Variants in TASOR2 observed in about 807,000 individuals in gnomAD.
TASOR2 encodes the protein transcription activation suppressor family member 2.
In TASOR2, 84 loss-of-function variants were observed where a neutral mutation model predicts 199.5. The ratio of observed to expected loss-of-function variants is 0.42; its 90% CI spans 0.35 to 0.50. The LOEUF is 0.50. TASOR2 is among the 20% of genes least tolerant of loss of function. The pLI, the probability that TASOR2 is intolerant of heterozygous loss-of-function variation, is 0.02. For synonymous variants in TASOR2, 1,103 were observed against 1,046.6 expected (o/e 1.05, Z -1.04); for missense variants, 2,796 against 2,835.9 (o/e 0.99, Z 0.32).
At position 5,694,966 on chromosome 10, in the gene TASOR2, G is replaced by A. The variant is rs145018489; in HGVS notation, c.-288+9791G>A. Among the ~76,000 whole-genome samples, 344 of 152,150 alleles carry A rather than the reference G, an allele frequency of 2.3e-3. 3 individuals carry two copies. Among genetic ancestry groups the A allele is most frequent in the African/African-American group, 7.9e-3 (327 of 41,508 alleles). ...TTTAATGTCCTGATGGATTTACTTT[G>A]CCAATGCATATATTTAGGATTTTTA... On this transcript the variant is annotated intron_variant, in intron 1 of 20. Transcript: ENST00000328090.
chr10:5,749,223 C>G (rs1340820254), exon 15 of TASOR2: 2 of 1,614,004 alleles, frequency 1.2e-6, no homozygotes, highest in African/African-American at 2.7e-5. Flanking sequence ...CAAAAGAACT[C>G]AAAGATACCA....
At chr10:5,749,021 A>C (rs1837610544) in exon 15 of TASOR2, 1 of 1,614,040 alleles carries the variant, frequency 6.2e-7, no homozygotes, top group Admixed American at 1.7e-5. Context: ...GATGGCTATG[A>C]GTCGTCGTTG....
intron 2 of TASOR2, among the ~76,000 whole-genome samples, chr10:5,715,059 T>G (rs773713058): frequency 9.9e-5 from 15 of 152,092 alleles, no homozygotes; most frequent in Non-Finnish European, 1.5e-5. Context: ...CGAGGAATTG[T>G]CAAGAGCAGT....
At chr10:5,746,299 C>G (rs749160324) in exon 15 of TASOR2, 2 of 1,614,188 alleles carry the variant, frequency 1.2e-6, no homozygotes. Flanking sequence ...TGTTCAGCCA[C>G]TGGATAGCAC....
intron 10 of TASOR2, among the ~76,000 whole-genome samples, chr10:5,727,650 C>T (rs189336834): frequency 5.3e-5 from 8 of 152,172 alleles, no homozygotes; most frequent in African/African-American, 1.7e-4. Flanking sequence ...AAAAATGACT[C>T]TAAGAGGGCT....
chr10:5,763,652 A>C (rs1323258776), exon 21 of TASOR2: 2 of 151,872 alleles, frequency 1.3e-5, no homozygotes, highest in Non-Finnish European at 2.9e-5. Flanking sequence ...CCAAGCAAAA[A>C]ACATTTGTAA....
chr10:5,735,152 C>G (rs1172785812), intron 11 of TASOR2, 152 bp from the exon 13 acceptor site: 7 of 914,250 alleles, frequency 7.7e-6, no homozygotes, highest in Non-Finnish European at 1.1e-5. Context: ...TTGTTAAAAT[C>G]TTTTAATTAA....
intron 1 of TASOR2, among the ~76,000 whole-genome samples, chr10:5,703,544 C>T (rs1332885860): frequency 3.1e-5 from 4 of 127,442 alleles, no homozygotes; most frequent in Non-Finnish European, 6.3e-5. Context: ...CACTCTGTCA[C>T]CCAGGCTGGA....
exon 11 of TASOR2, chr10:5,731,153 C>T (rs914632684): frequency 1.9e-6 from 3 of 1,610,086 alleles, no homozygotes; most frequent in Admixed American, 1.7e-5. Context: ...TCGGACTCTC[C>T]AACAACTCTT....
chr10:5,747,176 T>G, exon 15 of TASOR2: 1 of 1,614,052 alleles, frequency 6.2e-7, no homozygotes, highest in Non-Finnish European at 8.5e-7. Flanking sequence ...AATATGAATT[T>G]GGAAGCGTTT....
intron 1 of TASOR2, among the ~76,000 whole-genome samples, chr10:5,686,230 T>C (rs1258301581): frequency 6.6e-6 from 1 of 152,244 alleles, no homozygotes; most frequent in East Asian, 1.9e-4. Context: ...GTTTTGTGTA[T>C]ACAGAACATT....
At chr10:5,739,693 G>A in exon 13 of TASOR2, 2 of 1,614,042 alleles carry the variant, frequency 1.2e-6, no homozygotes, top group Non-Finnish European at 1.7e-6. Flanking sequence ...AGCATAAATA[G>A]TGTTCAACCA....
chr10:5,757,599 A>G, exon 17 of TASOR2: 1 of 1,613,648 alleles, frequency 6.2e-7, no homozygotes, highest in Non-Finnish European at 8.5e-7. Context: ...GTTCTTGATC[A>G]CACCTACCAA....
chr10:5,735,487 A>G, exon 12 of TASOR2: 2 of 1,614,202 alleles, frequency 1.2e-6, no homozygotes, highest in Non-Finnish European at 1.7e-6. Flanking sequence ...CCACAAAAAC[A>G]GAGAGTAAAT....
chr10:5,700,664 C>T (rs1295933848), intron 1 of TASOR2, among the ~76,000 whole-genome samples: 7 of 152,084 alleles, frequency 4.6e-5, no homozygotes, highest in Non-Finnish European at 8.8e-5. Context: ...TTTTGATTTG[C>T]TTTTCTCTGA....
intron 10 of TASOR2, among the ~76,000 whole-genome samples, chr10:5,729,106 T>G (rs1182777279): frequency 1.3e-5 from 2 of 149,736 alleles, no homozygotes; most frequent in Non-Finnish European, 3.0e-5. Context: ...CCCAGCACTT[T>G]GGGAGGCCAA....
At chr10:5,696,914 A>G (rs560485499) in intron 1 of TASOR2, among the ~76,000 whole-genome samples, 1 of 152,328 alleles carries the variant, frequency 6.6e-6, no homozygotes, top group African/African-American at 2.4e-5. Flanking sequence ...TAAAAATTTA[A>G]TACAAGGTTT....
intron 1 of TASOR2, among the ~76,000 whole-genome samples, chr10:5,705,573 A>G (rs954751338): frequency 3.9e-5 from 6 of 152,138 alleles, no homozygotes; most frequent in African/African-American, 1.2e-4. Context: ...TTGGCTATAT[A>G]ATTTTTCAGT....
chr10:5,732,267 C>T (rs1834924151), intron 11 of TASOR2, among the ~76,000 whole-genome samples: 1 of 152,226 alleles, frequency 6.6e-6, no homozygotes, highest in Non-Finnish European at 1.5e-5. Context: ...ATGGGTGACT[C>T]CTTTGGAGAA....
Sources: gnomAD v4.1 joint callset for allele counts (sites outside exome capture counted in the v4.1 genomes callset) on GRCh38, gnomAD v4.1.1 for gene constraint, MANE v1.5 for transcripts, NCBI Gene and HGNC (gene_info 2026-07-23, HGNC 2026-07-21) for gene names.